The following JARID2 variants were observed in gnomAD, a reference collection of about 807,000 sequenced individuals.
JARID2 encodes jumonji and AT-rich interaction domain containing 2.
In JARID2, 21 loss-of-function variants were observed where a neutral mutation model predicts 125.6. The observed-to-expected ratio is 0.17, with a 90% CI of 0.12 to 0.24. JARID2 has a LOEUF of 0.24. Ranked by LOEUF, JARID2 falls within the 10% of genes least tolerant of loss-of-function variation. JARID2 has a pLI of 1.00. For missense variants in JARID2, 1,303 were observed against 1,639.6 expected (o/e 0.79, Z 3.55); for synonymous variants, 736 against 661.6 (o/e 1.11, Z -1.73).
chr6:15,370,330 GTTTTTTT>G (rs33981169), intron 1 of JARID2, among the ~76,000 whole-genome samples: 1 of 114,262 alleles, frequency 8.8e-6, no homozygotes, highest in Non-Finnish European at 1.8e-5. Context: ...TATCTGGGCT[GTTTTTTT>G]TTTTTTTTTT....
At chr6:15,496,025 C>A (rs1228301929) in intron 6 of JARID2, 107 bp from the exon 7 acceptor site, 6 of 874,264 alleles carry the variant, frequency 6.9e-6, no homozygotes, top group Non-Finnish European at 9.0e-6. Flanking sequence ...GCTGCTGGCT[C>A]TGTTCATCCC....
At chr6:15,361,410 C>G (rs1256811543) in intron 1 of JARID2, among the ~76,000 whole-genome samples, 2 of 152,280 alleles carry the variant, frequency 1.3e-5, no homozygotes, top group Non-Finnish European at 2.9e-5. Flanking sequence ...CTTATCTCCC[C>G]CACTTCCTCC....
chr6:15,415,721 G>T lies in JARID2; in HGVS notation c.323+5356G>T, dbSNP rs576510075. Among the ~76,000 whole-genome samples, 21 of 148,468 alleles carry T rather than the reference G, an allele frequency of 1.4e-4. No homozygotes were observed. In the East Asian group the frequency reaches 4.3e-3, roughly 30 times the overall value. On this transcript the variant is annotated intron_variant, in intron 3 of 17. Transcript: ENST00000341776. ...GACCCCCCCACCTCCTTCCCGGACGGGGCGGCTGGCCAGGCGGAGGGGCTC... is the reference window on the plus strand; with the variant it reads ...GACCCCCCCACCTCCTTCCCGGACGTGGCGGCTGGCCAGGCGGAGGGGCTC...
intron 1 of JARID2, among the ~76,000 whole-genome samples, chr6:15,355,480 G>A (rs1479614553): frequency 1.3e-5 from 2 of 152,126 alleles, no homozygotes; most frequent in African/African-American, 4.8e-5. Flanking sequence ...GTAATTTTAA[G>A]TACAATTTGA....
intron 2 of JARID2, among the ~76,000 whole-genome samples, chr6:15,380,896 A>G (rs908763276): frequency 2.0e-5 from 3 of 150,392 alleles, no homozygotes; most frequent in Non-Finnish European, 4.4e-5. Context: ...TGTGGGCCAT[A>G]TTTGAAATGA....
At chr6:15,415,860 G>A (rs1390208355) in intron 3 of JARID2, among the ~76,000 whole-genome samples, 1 of 150,124 alleles carries the variant, frequency 6.7e-6, no homozygotes, top group East Asian at 2.0e-4. Flanking sequence ...GCGGCTGGCT[G>A]GGCGGGGGCT....
Position 15,279,868 on chromosome 6 carries a change from G to A in JARID2, c.45+33284G>A, listed in dbSNP as rs1760684614. On this transcript the variant is annotated intron_variant, in intron 1 of 17. Coordinates refer to ENST00000341776, the MANE Select transcript of JARID2 (RefSeq NM_004973.4). ...TAAATCAGTCTCCTGGCACTTAGGA[G>A]GCAATCAGTAAGTATTGGTTGTTAT... Among the ~76,000 whole-genome samples the A allele has an allele frequency of 2.0e-5, 3 of 152,260 alleles. No individual in the cohort carries two copies. In the South Asian group the frequency reaches 6.2e-4, roughly 32 times the overall value.
At chr6:15,323,915 GC>G (rs1043296902) in intron 1 of JARID2, among the ~76,000 whole-genome samples, 1 of 151,942 alleles carries the variant, frequency 6.6e-6, no homozygotes, top group Non-Finnish European at 1.5e-5. Context: ...GGGCGTGGTG[GC>G]TCATGCCTGT....
chr6:15,371,598 T>G (rs1208614980), intron 1 of JARID2, among the ~76,000 whole-genome samples: 1 of 152,232 alleles, frequency 6.6e-6, no homozygotes, highest in Non-Finnish European at 1.5e-5. Flanking sequence ...CTGTAAAGAT[T>G]AATTCAGCTA....
chr6:15,492,412 A>G (rs1162398157), intron 6 of JARID2, among the ~76,000 whole-genome samples: 1 of 152,204 alleles, frequency 6.6e-6, no homozygotes, highest in Non-Finnish European at 1.5e-5. Flanking sequence ...CACTGGCTGC[A>G]TAACTGGGGC....
In JARID2 at chr6:15,403,836, A is replaced by G. The variant is rs907618149; in HGVS notation, c.182-6388A>G. Among the ~76,000 whole-genome samples the G allele has an allele frequency of 2.0e-5, 3 of 152,080 alleles. No homozygotes were observed. In the East Asian group the frequency reaches 5.8e-4, roughly 29 times the overall value. Reference sequence around the variant, plus strand: ...TGCAGGGGTTAAATATAACAAAAATATGTCCCCCGCGTCCACCTATTCATC... The same window carrying G: ...TGCAGGGGTTAAATATAACAAAAATGTGTCCCCCGCGTCCACCTATTCATC... On this transcript the variant is annotated intron_variant, in intron 2 of 17. Coordinates refer to ENST00000341776, the MANE Select transcript of JARID2 (RefSeq NM_004973.4).
intron 1 of JARID2, among the ~76,000 whole-genome samples, chr6:15,283,230 G>C (rs563220253): frequency 2.0e-5 from 3 of 150,756 alleles, no homozygotes; most frequent in Non-Finnish European, 4.4e-5. Context: ...TGCCCACCTT[G>C]GCCTCCCAAA....
At chr6:15,318,888 A>G (rs1237601068) in intron 1 of JARID2, among the ~76,000 whole-genome samples, 2 of 152,358 alleles carry the variant, frequency 1.3e-5, no homozygotes, top group Admixed American at 1.3e-4. Context: ...CCAGACAGCC[A>G]TAATGGCTTG....
intron 7 of JARID2, among the ~76,000 whole-genome samples, chr6:15,497,486 A>G (rs1770510604): frequency 6.6e-6 from 1 of 151,940 alleles, no homozygotes; most frequent in South Asian, 2.1e-4. Flanking sequence ...CGTCTCTACT[A>G]AAAATACAAA....
intron 1 of JARID2, among the ~76,000 whole-genome samples, chr6:15,281,954 G>GTGTGTGTGTGTA (rs1760768780): frequency 6.6e-6 from 1 of 151,846 alleles, no homozygotes; most frequent in African/African-American, 2.4e-5. Context: ...GTGTGTGTGT[G>GTGTGTGTGTGTA]TGTGTGTGTG....
chr6:15,439,413 G>A (rs1767353937), intron 3 of JARID2, among the ~76,000 whole-genome samples: 1 of 152,132 alleles, frequency 6.6e-6, no homozygotes. Flanking sequence ...CCTTCCCTCT[G>A]TTTTGTAATG....
intron 1 of JARID2, among the ~76,000 whole-genome samples, chr6:15,343,229 A>G (rs1763130562): frequency 3.0e-4 from 1 of 3,312 alleles, no homozygotes. Context: ...AACTCCGTCA[A>G]AAAAAAAAAA....
intron 2 of JARID2, among the ~76,000 whole-genome samples, chr6:15,378,635 A>C (rs147862716): frequency 1.3e-5 from 2 of 152,330 alleles, no homozygotes; most frequent in African/African-American, 4.8e-5. Context: ...CAAGTCCTGT[A>C]ACTTTGAATC....
chr6:15,247,733 A>C (rs1325928798), intron 1 of JARID2: 5 of 985,274 alleles, frequency 5.1e-6, no homozygotes, highest in South Asian at 9.4e-5. Context: ...ATGCCTCTTC[A>C]AGAGAGCTGA....
Sources: gnomAD v4.1 joint callset for allele counts (sites outside exome capture counted in the v4.1 genomes callset) on GRCh38, gnomAD v4.1.1 for gene constraint, MANE v1.5 for transcripts, NCBI Gene and HGNC (gene_info 2026-07-23, HGNC 2026-07-21) for gene names.